AIF1L: variants seen among roughly 807,000 people sequenced by gnomAD.
AIF1L encodes allograft inflammatory factor 1 like.
Under a neutral mutation model 20.7 loss-of-function variants are expected in AIF1L, and 12 were observed. The observed-to-expected ratio is 0.58, with a 90% CI of 0.37 to 0.94. AIF1L has a LOEUF of 0.94. AIF1L is among the 40% of genes least tolerant of loss of function. The probability of loss-of-function intolerance (pLI) is 0.01; values close to 1 mark genes in which losing one functional copy is unlikely to be tolerated. For missense variants in AIF1L, 173 were observed against 185.3 expected, an observed-to-expected ratio of 0.93 and a Z score of 0.39; for synonymous variants, 76 against 65.1, an observed-to-expected ratio of 1.17 and a Z score of -0.81.
chr9:131,105,629 A>G (rs529173688), intron 2 of AIF1L, among the ~76,000 whole-genome samples: 68 of 152,190 alleles, frequency 4.5e-4, no homozygotes, highest in African/African-American at 1.6e-3. Context: ...ACAGGCGTGA[A>G]CCACCACACT....
intron 2 of AIF1L, among the ~76,000 whole-genome samples, chr9:131,099,291 A>G (rs1378558674): frequency 1.3e-5 from 2 of 152,280 alleles, no homozygotes; most frequent in Non-Finnish European, 1.5e-5. Flanking sequence ...GGGAGCAGGG[A>G]TCTCTGCCCC....
intron 2 of AIF1L, among the ~76,000 whole-genome samples, chr9:131,101,919 C>T (rs1304472132): frequency 4.0e-5 from 6 of 151,808 alleles, no homozygotes; most frequent in Admixed American, 1.3e-4. Context: ...TGTTTTGTTT[C>T]GCTGTTTTTC....
intron 2 of AIF1L, among the ~76,000 whole-genome samples, chr9:131,108,496 G>A (rs930107087): frequency 6.6e-5 from 10 of 152,266 alleles, no homozygotes; most frequent in South Asian, 2.1e-4. Flanking sequence ...CACTCACTGC[G>A]TTTGGCCTGT....
chr9:131,099,077 C>T (rs1384701387), intron 2 of AIF1L, among the ~76,000 whole-genome samples: 1 of 152,202 alleles, frequency 6.6e-6, no homozygotes, highest in Non-Finnish European at 1.5e-5. Flanking sequence ...CCTCTCTGAG[C>T]CTCCTTCTCC....
intron 2 of AIF1L, among the ~76,000 whole-genome samples, chr9:131,109,663 T>A (rs1413238346): frequency 1.3e-5 from 2 of 152,244 alleles, no homozygotes; most frequent in Non-Finnish European, 2.9e-5. Context: ...TGCTTCCCCA[T>A]CTGAATACAG....
At chr9:131,096,918 G>C (rs1830542082) in intron 2 of AIF1L, 55 bp downstream of exon 2, 1 of 1,475,448 alleles carries the variant, frequency 6.8e-7, no homozygotes, top group African/African-American at 1.5e-5. Context: ...CTGCGCGGGT[G>C]CCACCTCTCC....
chr9:131,103,701 G>A lies in AIF1L; in HGVS notation c.93+6838G>A, dbSNP rs7038827. ...TACAGCAACTCAGTGAGGAGGTTCT[G>A]CATATCATTATGATCCCATTTGATA... On this transcript the variant is annotated intron_variant, in intron 2 of 5. Coordinates refer to ENST00000247291, the MANE Select transcript of AIF1L (RefSeq NM_031426.4). 5.3e-3 allele frequency among the ~76,000 whole-genome samples: 801 copies of A among 152,288 alleles called. 5 individuals are homozygous for A. Among genetic ancestry groups the A allele is most frequent in the African/African-American group, 0.019 (769 of 41,562 alleles).
intron 2 of AIF1L, among the ~76,000 whole-genome samples, chr9:131,110,761 C>T (rs1018369865): frequency 6.6e-6 from 1 of 151,906 alleles, no homozygotes; most frequent in African/African-American, 2.4e-5. Flanking sequence ...CCTTGGCCTC[C>T]CAAAATGCTG....
Position 131,119,700 on chromosome 9 carries a change from C to T in AIF1L, c.366-535C>T, listed in dbSNP as rs1831095181. Among the ~76,000 whole-genome samples the T allele has an allele frequency of 2.0e-5, 3 of 152,218 alleles. No homozygotes were observed. In the South Asian group the frequency reaches 6.2e-4, roughly 32 times the overall value. On this transcript the variant is annotated intron_variant, in intron 5 of 5. Transcript: ENST00000247291. ...GGCCAGATCTTCTAGCACCCCACTT[C>T]CAGGGAGAAACGCCAAGGATCAGAG...
intron 2 of AIF1L, among the ~76,000 whole-genome samples, chr9:131,098,636 AG>A (rs1394886482): frequency 7.0e-6 from 1 of 143,358 alleles, no homozygotes; most frequent in Non-Finnish European, 1.5e-5. Context: ...GGGTTGGGGG[AG>A]GGGGCGGCTC....
chr9:131,112,266 G>A (rs1184678267), intron 3 of AIF1L: 1 of 153,342 alleles, frequency 6.5e-6, no homozygotes, highest in African/African-American at 2.4e-5. Context: ...ATAGGGGGCA[G>A]CGCAGACCCA....
At chr9:131,100,089 C>A (rs933850064) in intron 2 of AIF1L, among the ~76,000 whole-genome samples, 1 of 152,142 alleles carries the variant, frequency 6.6e-6, no homozygotes, top group African/African-American at 2.4e-5. Context: ...GTTGCCCAGG[C>A]TGGGGTGCAG....
chr9:131,111,136 A>G (rs960114116), intron 2 of AIF1L, among the ~76,000 whole-genome samples: 8 of 150,876 alleles, frequency 5.3e-5, no homozygotes, highest in African/African-American at 9.8e-5. Flanking sequence ...AGATCGCGCC[A>G]TTGCACACCA....
intron 4 of AIF1L, 142 bp downstream of exon 4, chr9:131,114,760 C>T (rs1588111393): frequency 9.2e-7 from 1 of 1,085,138 alleles, no homozygotes; most frequent in Non-Finnish European, 1.4e-6. Flanking sequence ...AGCCCCTTGC[C>T]TTCTGCCCTG....
In AIF1L at chr9:131,105,693, G is replaced by T. The variant is rs550478656; in HGVS notation, c.94-5904G>T. 2.6e-5 allele frequency among the ~76,000 whole-genome samples: 4 copies of T among 152,258 alleles called. No individual in the cohort carries two copies. In the South Asian group the frequency reaches 8.3e-4, roughly 32 times the overall value. ...GGAAAAATAGGATTCCAAACCCTAA[G>T]CCCCTCCAGCCTCTGTCATGCGTGG... On this transcript the variant is annotated intron_variant, in intron 2 of 5. Coordinates refer to ENST00000247291, the MANE Select transcript of AIF1L (RefSeq NM_031426.4).
At chr9:131,103,768 G>A (rs1830686286) in intron 2 of AIF1L, among the ~76,000 whole-genome samples, 1 of 152,160 alleles carries the variant, frequency 6.6e-6, no homozygotes, top group South Asian at 2.1e-4. Context: ...GGCCTAGAGT[G>A]GTAAACAGGT....
chr9:131,120,893 T>G lies in AIF1L; in HGVS notation c.*571T>G. On this transcript the variant is annotated 3_prime_UTR_variant, in exon 6 of 6. Coordinates refer to ENST00000247291, the MANE Select transcript of AIF1L (RefSeq NM_031426.4). ...CCACACCTCTTCTCATCCTCAGTGA[T>G]GTGAAGGTGGGAAGGAAAGGAGCTT... 2 of 491,828 alleles carry G rather than the reference T, an allele frequency of 4.1e-6. No individual in the cohort carries two copies. Among genetic ancestry groups the G allele is most frequent in the Non-Finnish European group, 7.3e-6 (2 of 274,374 alleles). 30.5% of individuals were successfully genotyped at this position (491,828 alleles called of 1,614,324 possible).
chr9:131,102,187 G>A (rs1233379839), intron 2 of AIF1L, among the ~76,000 whole-genome samples: 4 of 152,138 alleles, frequency 2.6e-5, no homozygotes, highest in Admixed American at 1.3e-4. Flanking sequence ...TGCTGGGATT[G>A]CAGGTATGAG....
intron 4 of AIF1L, among the ~76,000 whole-genome samples, chr9:131,116,414 C>T (rs1292033533): frequency 6.6e-6 from 1 of 152,164 alleles, no homozygotes; most frequent in Non-Finnish European, 1.5e-5. Context: ...CAGGCACGCA[C>T]CACCACGCCC....
Sources: allele counts gnomAD v4.1 joint callset (sites outside exome capture counted in the v4.1 genomes callset), GRCh38; gene constraint gnomAD v4.1.1; transcripts MANE v1.5; gene names NCBI Gene and HGNC (gene_info 2026-07-23, HGNC 2026-07-21).